Variants in R3HDM2 observed in about 807,000 individuals in gnomAD.
The protein encoded by R3HDM2 is R3H domain-containing protein 2.
Under a neutral mutation model 124.5 loss-of-function variants are expected in R3HDM2, and 38 were observed. The ratio of observed to expected loss-of-function variants is 0.31; its 90% CI spans 0.24 to 0.40. The LOEUF (loss-of-function observed/expected upper bound fraction) is 0.40, where lower values mean the gene tolerates loss of function less well. Ranked by LOEUF, R3HDM2 falls within the 10% of genes least tolerant of loss-of-function variation. The pLI is 1.00. For synonymous variants in R3HDM2, 391 were observed against 448.0 expected (o/e 0.87, Z 1.61); for missense variants, 869 against 1,236.9 (o/e 0.70, Z 4.46).
intron 2 of R3HDM2, among the ~76,000 whole-genome samples, chr12:57,360,400 C>T (rs1224052199): frequency 2.6e-5 from 4 of 151,822 alleles, no homozygotes; most frequent in African/African-American, 9.7e-5. Context: ...AACTGCGTAC[C>T]ACAGAAATAT....
At chr12:57,426,465 G>C (rs1377746766) in intron 1 of R3HDM2, among the ~76,000 whole-genome samples, 3 of 152,112 alleles carry the variant, frequency 2.0e-5, no homozygotes, top group Non-Finnish European at 4.4e-5. Flanking sequence ...TGAATTGGTG[G>C]GGTTGAGGGT....
At chr12:57,373,268 ATGC>A (rs2063595473) in intron 2 of R3HDM2, among the ~76,000 whole-genome samples, 1 of 152,132 alleles carries the variant, frequency 6.6e-6, no homozygotes, top group African/African-American at 2.4e-5. Context: ...TGGGAGGCCA[ATGC>A]AGGTGGATCA....
At chr12:57,355,671 A>G (rs2061210105) in intron 2 of R3HDM2, among the ~76,000 whole-genome samples, 2 of 152,144 alleles carry the variant, frequency 1.3e-5, no homozygotes, top group Admixed American at 6.5e-5. Context: ...TGTTTTGTCT[A>G]TTCTAGACTC....
chr12:57,356,109 A>G (rs1278159986), intron 2 of R3HDM2, among the ~76,000 whole-genome samples: 3 of 152,170 alleles, frequency 2.0e-5, no homozygotes, highest in Admixed American at 2.0e-4. Flanking sequence ...TATGTTGAAA[A>G]GAATCAGTAA....
intron 2 of R3HDM2, among the ~76,000 whole-genome samples, chr12:57,320,441 G>C (rs1434767056): frequency 6.6e-6 from 1 of 151,906 alleles, no homozygotes; most frequent in African/African-American, 2.4e-5. Flanking sequence ...ATGGTGACTA[G>C]AACAAAGCAG....
intron 3 of R3HDM2, among the ~76,000 whole-genome samples, chr12:57,303,461 T>C (rs1447406797): frequency 6.6e-6 from 1 of 151,660 alleles, no homozygotes; most frequent in Non-Finnish European, 1.5e-5. Context: ...AATCAGAAGA[T>C]GGTCAGATGT....
At chr12:57,349,063 T>C (rs1364477890) in intron 2 of R3HDM2, among the ~76,000 whole-genome samples, 1 of 151,970 alleles carries the variant, frequency 6.6e-6, no homozygotes, top group East Asian at 1.9e-4. Flanking sequence ...TGAATTTTTC[T>C]GGATAATGCC....
Position 57,274,150 on chromosome 12 carries a change from A to T in R3HDM2, c.1345-4156T>A, listed in dbSNP as rs548129255. Among the ~76,000 whole-genome samples, 10 of 152,206 alleles carry T rather than the reference A, an allele frequency of 6.6e-5. No homozygotes were observed. The East Asian group carries it at 1.9e-3, about 29-fold the overall frequency. On this transcript the variant is annotated intron_variant, in intron 14 of 23. Coordinates refer to ENST00000402412, the MANE Select transcript of R3HDM2 (RefSeq NM_001394031.1). ...TTTGGAGGAGAGTCTATCTTGGTTC[A>T]GGCATATATATTCTGGGGAAAAAAG...
chr12:57,310,386 T>C lies in R3HDM2; in HGVS notation c.43A>G (p.Lys15Glu). The change falls in exon 3 of 24, where the codon AAA (lysine) becomes GAA (glutamate). Residue 15 changes from lysine to glutamate, a missense_variant. This residue lies in a region of R3HDM2 where 267 missense variants were observed against 447.7 expected (regional missense o/e 0.60). Coordinates refer to ENST00000402412, the MANE Select transcript of R3HDM2 (RefSeq NM_001394031.1). Reference protein sequence around the residue: ...NTTQETLEIMKESEKKLVEES... With the variant: ...NTTQETLEIMEESEKKLVEES... The stretch of plus-strand genomic sequence containing the variant: ...TCCACCAGTTTTTTTTCTGATTCTT[T>C]CATTATTTCCAGGGTCTCTTGAGTA... 2 of 1,548,976 alleles carry C rather than the reference T, an allele frequency of 1.3e-6. No individual in the cohort carries two copies. The highest frequency in any genetic ancestry group is 1.7e-6 in the Non-Finnish European group (2 of 1,145,502).
At chr12:57,402,262 T>G (rs1275051748) in intron 1 of R3HDM2, among the ~76,000 whole-genome samples, 1 of 150,712 alleles carries the variant, frequency 6.6e-6, no homozygotes, top group African/African-American at 2.4e-5. Context: ...ACCACTGCAC[T>G]CCAGCCTGGG....
intron 2 of R3HDM2, among the ~76,000 whole-genome samples, chr12:57,316,095 C>CA (rs1241100041): frequency 1.3e-5 from 2 of 151,972 alleles, no homozygotes; most frequent in African/African-American, 4.8e-5. Flanking sequence ...AAACCTGTCT[C>CA]AAAAAAAATT....
intron 2 of R3HDM2, among the ~76,000 whole-genome samples, chr12:57,323,036 A>C (rs910541453): frequency 1.3e-5 from 2 of 152,168 alleles, no homozygotes; most frequent in African/African-American, 4.8e-5. Flanking sequence ...TCAAGGTATA[A>C]AGTGTTATCT....
intron 1 of R3HDM2, among the ~76,000 whole-genome samples, chr12:57,403,962 T>C (rs922156261): frequency 6.6e-6 from 1 of 151,724 alleles, no homozygotes; most frequent in Non-Finnish European, 1.5e-5. Context: ...CAACTTCTCA[T>C]ATTTTCTCTA....
At chr12:57,387,225 G>A (rs576790894) in intron 2 of R3HDM2, among the ~76,000 whole-genome samples, 10 of 152,004 alleles carry the variant, frequency 6.6e-5, no homozygotes, top group Non-Finnish European at 7.4e-5. Flanking sequence ...TTGTTCTTTC[G>A]CTCTTTGCAA....
At chr12:57,338,816 T>TC (rs1438656083) in intron 2 of R3HDM2, among the ~76,000 whole-genome samples, 3 of 151,794 alleles carry the variant, frequency 2.0e-5, no homozygotes, top group African/African-American at 7.3e-5. Flanking sequence ...TTTTTTTTTT[T>TC]CAAAGGGAGA....
chr12:57,378,029 G>A (rs1202929537), intron 2 of R3HDM2, among the ~76,000 whole-genome samples: 2 of 152,168 alleles, frequency 1.3e-5, no homozygotes, highest in African/African-American at 4.8e-5. Flanking sequence ...AACCCAGGAG[G>A]CGGAGGTTAA....
chr12:57,277,546 C>T (rs1279416557), intron 14 of R3HDM2, among the ~76,000 whole-genome samples: 1 of 151,808 alleles, frequency 6.6e-6, no homozygotes, highest in Non-Finnish European at 1.5e-5. Context: ...TCAAGCAATT[C>T]TCATGCTTAG....
At chr12:57,390,676 G>A (rs1020199494) in intron 2 of R3HDM2, among the ~76,000 whole-genome samples, 15 of 151,674 alleles carry the variant, frequency 9.9e-5, no homozygotes, top group African/African-American at 2.9e-4. Context: ...CAGCCTTGAT[G>A]ACAGAGTGAA....
intron 1 of R3HDM2, among the ~76,000 whole-genome samples, chr12:57,403,253 G>A (rs1346613456): frequency 6.6e-6 from 1 of 152,092 alleles, no homozygotes; most frequent in African/African-American, 2.4e-5. Context: ...TAGCACTTTG[G>A]GAGGCCGAGG....
Sources: allele counts gnomAD v4.1 joint callset (sites outside exome capture counted in the v4.1 genomes callset), GRCh38; gene constraint gnomAD v4.1.1; regional missense constraint gnomAD v4.1.1; transcripts MANE v1.5; gene names NCBI Gene and HGNC (gene_info 2026-07-23, HGNC 2026-07-21).